Variants in MTOR observed in about 807,000 individuals in gnomAD.
MTOR encodes serine/threonine-protein kinase mTOR.
MTOR carries 70 observed loss-of-function variants against 319.8 expected under a neutral mutation model. The observed-to-expected ratio is 0.22, with a 90% confidence interval of 0.18 to 0.27. MTOR has a LOEUF of 0.27. MTOR is among the 10% of genes least tolerant of loss of function. The pLI is 1.00. For missense variants in MTOR, 1,890 were observed against 3,274.4 expected (o/e 0.58, Z 10.32); for synonymous variants, 1,183 against 1,211.4 (o/e 0.98, Z 0.49).
intron 34 of MTOR, among the ~76,000 whole-genome samples, chr1:11,142,353 A>C (rs1013798445): frequency 1.3e-5 from 2 of 152,086 alleles, no homozygotes; most frequent in African/African-American, 4.8e-5. Flanking sequence ...CAGTGGCGCA[A>C]TCTTGGCTCA....
intron 16 of MTOR, among the ~76,000 whole-genome samples, chr1:11,231,735 A>AT (rs1285452131): frequency 1.3e-5 from 2 of 152,270 alleles, no homozygotes; most frequent in South Asian, 2.1e-4. Flanking sequence ...GGAAATTAAG[A>AT]TTTTTTGTTG....
At chr1:11,159,588 C>A (rs1466418254) in intron 29 of MTOR, among the ~76,000 whole-genome samples, 1 of 151,738 alleles carries the variant, frequency 6.6e-6, no homozygotes, top group Non-Finnish European at 1.5e-5. Flanking sequence ...TTGCAGTGAA[C>A]CAAGATCGTG....
chr1:11,138,797 G>T (rs1221981080), intron 36 of MTOR, among the ~76,000 whole-genome samples: 1 of 152,186 alleles, frequency 6.6e-6, no homozygotes, highest in Non-Finnish European at 1.5e-5. Context: ...TATTTCCCAA[G>T]GGCTTGTCTG....
Position 11,146,808 on chromosome 1 carries a change from AG to A in MTOR, c.4571-18del, listed in dbSNP as rs1214505320. 1 of 1,592,608 alleles carries A rather than the reference AG, an allele frequency of 6.3e-7. No individual in the cohort carries two copies. Among genetic ancestry groups the A allele is most frequent in the East Asian group, 2.2e-5 (1 of 44,770 alleles). On this transcript the variant is annotated intron_variant, in intron 31 of 57. Transcript: ENST00000361445. ...CCCACTGACCTATACACACACACAT[AG>A]ACAGAAAGCATCAAGGGGGTTGGCT...
chr1:11,207,409 C>CTTTTTTTTTTT (rs386366225), intron 25 of MTOR, among the ~76,000 whole-genome samples: 2 of 114,174 alleles, frequency 1.8e-5, no homozygotes, highest in African/African-American at 3.2e-5. Context: ...CCCCCTACCT[C>CTTTTTTTTTTT]TTTTTTTTTT....
In MTOR at chr1:11,115,356, C is replaced by A. The variant is rs1374315472; in HGVS notation, c.7089+40G>T. The A allele has an allele frequency of 6.3e-7, 1 of 1,597,738 alleles. No homozygotes were observed. The highest frequency in any genetic ancestry group is 8.6e-7 in the Non-Finnish European group (1 of 1,165,310). ...GTCAGAGGAGGGGGAAAAGTGATCA[C>A]CCGGGAAGATGAGGTTGGGGTTCTA... is the stretch of plus-strand genomic sequence containing the variant. On this transcript the variant is annotated intron_variant, in intron 51 of 57. Coordinates refer to ENST00000361445, the MANE Select transcript of MTOR (RefSeq NM_004958.4). The surrounding 1 kb of genome is among the most constrained non-coding windows in gnomAD (Gnocchi z 4.5).
intron 28 of MTOR, among the ~76,000 whole-genome samples, chr1:11,174,617 C>T (rs751592254): frequency 3.9e-5 from 6 of 152,170 alleles, no homozygotes; most frequent in African/African-American, 7.2e-5. Flanking sequence ...GATACAAAGC[C>T]GTCCTTTGAA....
intron 3 of MTOR, among the ~76,000 whole-genome samples, chr1:11,258,037 G>A (rs914034005): frequency 6.6e-6 from 1 of 151,400 alleles, no homozygotes; most frequent in African/African-American, 2.4e-5. Flanking sequence ...TTGAACCCAG[G>A]AGGCGGAGGT....
intron 28 of MTOR, among the ~76,000 whole-genome samples, chr1:11,173,391 C>T (rs373315910): frequency 8.5e-5 from 13 of 152,178 alleles, no homozygotes; most frequent in East Asian, 5.8e-4. Flanking sequence ...CCTGGACTCA[C>T]GCAATCCTCC....
At chr1:11,188,010 G>A (rs139347600) in intron 28 of MTOR, among the ~76,000 whole-genome samples, 4 of 152,260 alleles carry the variant, frequency 2.6e-5, no homozygotes, top group African/African-American at 9.6e-5. Context: ...AGTAACTCCA[G>A]CTGCCTGAAC....
At chr1:11,136,812 TAGG>T (rs1643442018) in intron 36 of MTOR, among the ~76,000 whole-genome samples, 2 of 151,280 alleles carry the variant, frequency 1.3e-5, no homozygotes, top group South Asian at 2.1e-4. Flanking sequence ...TTTTTTTTTC[TAGG>T]AGAACTACAT....
chr1:11,211,575 G>A (rs764103753), intron 23 of MTOR, among the ~76,000 whole-genome samples: 62 of 152,094 alleles, frequency 4.1e-4, no homozygotes, highest in Admixed American at 1.5e-3. Context: ...TGCTATGTCT[G>A]GAGTTGGTCT....
intron 36 of MTOR, among the ~76,000 whole-genome samples, chr1:11,137,122 G>A (rs1015082380): frequency 5.6e-5 from 8 of 141,664 alleles, no homozygotes; most frequent in Non-Finnish European, 9.0e-5. Flanking sequence ...GATCATAGGC[G>A]TGAGCCACCA....
chr1:11,119,732 T>C (rs1441531401), intron 49 of MTOR, among the ~76,000 whole-genome samples: 2 of 142,462 alleles, frequency 1.4e-5, no homozygotes, highest in African/African-American at 2.7e-5. Context: ...GGTAACAGAG[T>C]AAGACCTTGT....
At chr1:11,207,894 T>TA (rs1245018620) in intron 25 of MTOR, among the ~76,000 whole-genome samples, 2 of 152,216 alleles carry the variant, frequency 1.3e-5, no homozygotes, top group East Asian at 3.8e-4. Flanking sequence ...TGAGATAAAC[T>TA]AAGAGTCTTT....
chr1:11,165,912 C>G (rs1009743241), intron 29 of MTOR, among the ~76,000 whole-genome samples: 15 of 152,184 alleles, frequency 9.9e-5, no homozygotes, highest in Non-Finnish European at 2.1e-4. Context: ...ACCAATGGAA[C>G]AGAACAGAGC....
chr1:11,199,627 T>A lies in MTOR; in HGVS notation c.4021A>T (p.Ile1341Phe), dbSNP rs2100746598. The A allele has an allele frequency of 6.2e-7, 1 of 1,614,218 alleles. No individual in the cohort carries two copies. The highest frequency in any genetic ancestry group is 8.5e-7 in the Non-Finnish European group (1 of 1,180,026). Residue 1341 changes from isoleucine to phenylalanine, a missense_variant, in exon 27 of 58, where the codon ATC (isoleucine) becomes TTC (phenylalanine). Ile to Phe is a conservative substitution (Grantham distance 21). Transcript: ENST00000361445. This position sits in a 1 kb window ranked among gnomAD's most constrained non-coding sequence, Gnocchi z 4.5. ...EDQQDELIRSIELALTSQDIA... is the reference protein window; with the variant it reads ...EDQQDELIRSFELALTSQDIA... ...TCTTGTGAGGTGAGGGCCAACTCGATGCTTCTGATGAGCTCATCCTGTTGA... is the reference window on the plus strand; with the variant it reads ...TCTTGTGAGGTGAGGGCCAACTCGAAGCTTCTGATGAGCTCATCCTGTTGA...
Position 11,212,580 on chromosome 1 carries a change from G to A in MTOR, c.3399-106C>T, listed in dbSNP as rs1008013965. 29 of 1,354,210 alleles carry A rather than the reference G, an allele frequency of 2.1e-5. No homozygotes were observed. Among genetic ancestry groups the A allele is most frequent in the South Asian group, 1.5e-4 (11 of 71,120 alleles). The allele number at this position is 1,354,210 out of a possible 1,614,324, so 83.9% of individuals were successfully genotyped here. On this transcript the variant is annotated intron_variant, in intron 22 of 57. Coordinates refer to ENST00000361445, the MANE Select transcript of MTOR (RefSeq NM_004958.4). The surrounding 1 kb of genome is among the most constrained non-coding windows in gnomAD (Gnocchi z 4.1). ...CAGCACCAAAGGGATGGGAATGAAC[G>A]GCTTCTAAGGTATTTTGGATGACAT... is the stretch of plus-strand genomic sequence containing the variant.
chr1:11,217,549 C>T (rs984133351), intron 19 of MTOR, among the ~76,000 whole-genome samples: 45 of 151,500 alleles, frequency 3.0e-4, no homozygotes, highest in African/African-American at 1.1e-3. Flanking sequence ...TACAGGCGCC[C>T]GCCACCATGC....
Sources: allele counts gnomAD v4.1 joint callset (sites outside exome capture counted in the v4.1 genomes callset), GRCh38; gene constraint gnomAD v4.1.1; non-coding constraint Gnocchi (gnomAD v3.1); transcripts MANE v1.5; gene names NCBI Gene and HGNC (gene_info 2026-07-23, HGNC 2026-07-21).